Variants in CCNY observed in about 807,000 individuals in gnomAD.
The protein encoded by CCNY is cyclin-Y.
Under a neutral mutation model 42.8 loss-of-function variants are expected in CCNY, and 19 were observed. The observed-to-expected ratio is 0.44, with a 90% CI of 0.31 to 0.65. The LOEUF (loss-of-function observed/expected upper bound fraction) is 0.65, where lower values mean the gene tolerates loss of function less well. Among genes scored for constraint, CCNY ranks in the 30% least tolerant of loss-of-function variants. The probability of loss-of-function intolerance (pLI) is 0.07; values close to 1 mark genes in which losing one functional copy is unlikely to be tolerated. For synonymous variants in CCNY, 165 were observed against 162.7 expected (o/e 1.01, Z -0.11); for missense variants, 370 against 437.3 (o/e 0.85, Z 1.37).
In CCNY at chr10:35,474,201, C is replaced by T. The variant is rs1354000130; in HGVS notation, c.155-9203C>T. 1.1e-4 allele frequency among the ~76,000 whole-genome samples: 17 copies of T among 152,270 alleles called. No homozygotes were observed. The South Asian group carries it at 1.7e-3, about 15-fold the overall frequency. ...AGCAGTCTGAGATCAAACTGCAAGG[C>T]GGCAGCGAGGCTTGGGGGAGGGGTG... On this transcript the variant is annotated intron_variant, in intron 1 of 9. Transcript: ENST00000374704.
At chr10:35,497,772 A>G (rs1412720462) in intron 2 of CCNY, among the ~76,000 whole-genome samples, 2 of 150,838 alleles carry the variant, frequency 1.3e-5, no homozygotes, top group Non-Finnish European at 3.0e-5. Flanking sequence ...TATTCCCCCT[A>G]TGGTAATGTC....
At chr10:35,510,279 A>G (rs1435236899) in intron 3 of CCNY, among the ~76,000 whole-genome samples, 2 of 152,088 alleles carry the variant, frequency 1.3e-5, no homozygotes, top group African/African-American at 2.4e-5. Context: ...TAGTGGCACA[A>G]TCATGGCTCA....
At chr10:35,499,310 G>T (rs1840064488) in intron 2 of CCNY, among the ~76,000 whole-genome samples, 1 of 152,182 alleles carries the variant, frequency 6.6e-6, no homozygotes, top group African/African-American at 2.4e-5. Flanking sequence ...GAGAAGAGAA[G>T]AGGGCTTGTG....
At chr10:35,259,297 T>C (rs76458677) in intron 3 of CCNY, among the ~76,000 whole-genome samples, 7,475 of 152,090 alleles carry the variant, frequency 0.049, 252 homozygotes, top group Non-Finnish European at 0.068. Flanking sequence ...CACTGTGGCC[T>C]TGACTTCCTA....
intron 1 of CCNY, chr10:35,347,318 A>G (rs559011299): frequency 4.6e-4 from 137 of 295,648 alleles, no homozygotes; most frequent in African/African-American, 2.8e-3. Flanking sequence ...GTTAGCAACT[A>G]CAATCACATC....
intron 3 of CCNY, among the ~76,000 whole-genome samples, chr10:35,310,728 T>C (rs1207883728): frequency 2.0e-5 from 3 of 152,226 alleles, no homozygotes; most frequent in African/African-American, 4.8e-5. Context: ...TTAGCCTTTG[T>C]AGTGTGATTA....
chr10:35,484,352 C>T (rs895160599), intron 2 of CCNY, among the ~76,000 whole-genome samples: 12 of 152,076 alleles, frequency 7.9e-5, no homozygotes, highest in Admixed American at 5.2e-4. Context: ...ACTTCAGTAA[C>T]GATTAGGTAA....
At chr10:35,489,574 ATG>A (rs1237827610) in intron 2 of CCNY, among the ~76,000 whole-genome samples, 1 of 152,126 alleles carries the variant, frequency 6.6e-6, no homozygotes, top group Admixed American at 6.5e-5. Context: ...GTTTTTATAG[ATG>A]TAAGTGCTGA....
intron 1 of CCNY, among the ~76,000 whole-genome samples, chr10:35,393,818 C>T (rs951028693): frequency 2.6e-4 from 39 of 152,040 alleles, no homozygotes; most frequent in Middle Eastern, 3.2e-3. Flanking sequence ...CACGGTGGCA[C>T]GCACCTGTAG....
chr10:35,379,610 T>G (rs963627688), intron 1 of CCNY, among the ~76,000 whole-genome samples: 1 of 152,228 alleles, frequency 6.6e-6, no homozygotes, highest in Non-Finnish European at 1.5e-5. Context: ...ATCCTGGAAC[T>G]CCACATTTCC....
At chr10:35,410,791 A>G (rs764241270) in intron 1 of CCNY, among the ~76,000 whole-genome samples, 2 of 152,310 alleles carry the variant, frequency 1.3e-5, no homozygotes, top group Non-Finnish European at 2.9e-5. Flanking sequence ...CATCAGTGTC[A>G]TTGGAGGGCT....
intron 1 of CCNY, among the ~76,000 whole-genome samples, chr10:35,361,610 A>G (rs962772662): frequency 6.6e-6 from 1 of 152,226 alleles, no homozygotes; most frequent in Non-Finnish European, 1.5e-5. Flanking sequence ...GTTATTTTTC[A>G]GGTGCATGTG....
intron 1 of CCNY, among the ~76,000 whole-genome samples, chr10:35,479,531 T>C (rs1839610166): frequency 7.4e-6 from 1 of 135,864 alleles, no homozygotes; most frequent in African/African-American, 2.9e-5. Context: ...CCGCATATTC[T>C]CACTCATAGG....
rs1258371410 is a variant in CCNY, at chr10:35,530,213, G to T, written c.549G>T (p.Gln183His). ...TTCGGACACTGTTCAGTGCTGCTCA[G>T]CTGACGGCTGAATGTGCCATCGTCA... The part of the protein sequence containing the change: ...RFVRTLFSAA[Q>H]LTAECAIVTL... Residue 183 changes from glutamine to histidine, a missense_variant, in exon 7 of 10, where the codon CAG (glutamine) becomes CAT (histidine). Physicochemically the swap from Gln to His is conservative, Grantham distance 24. Around this residue, in one of 2 missense-constraint regions of CCNY, gnomAD observed 234 missense variants for 313.1 expected, o/e 0.75. Transcript: ENST00000374704. The surrounding 1 kb of genome is among the most constrained non-coding windows in gnomAD (Gnocchi z 4.3). 1 of 1,614,108 alleles carries T rather than the reference G, an allele frequency of 6.2e-7. No homozygotes were observed. The highest frequency in any genetic ancestry group is 8.5e-7 in the Non-Finnish European group (1 of 1,180,046).
chr10:35,537,503 C>G (rs1273082362), intron 7 of CCNY, among the ~76,000 whole-genome samples: 2 of 152,216 alleles, frequency 1.3e-5, no homozygotes, highest in African/African-American at 4.8e-5. Flanking sequence ...TGAAAGCAGT[C>G]AGGAGGGGGA....
intron 7 of CCNY, among the ~76,000 whole-genome samples, chr10:35,533,374 C>G (rs1484974816): frequency 6.6e-6 from 1 of 152,120 alleles, no homozygotes; most frequent in African/African-American, 2.4e-5. Flanking sequence ...AACACAAAGC[C>G]CTTATGTTAC....
At chr10:35,521,139 T>C (rs1840537664) in intron 4 of CCNY, among the ~76,000 whole-genome samples, 2 of 152,248 alleles carry the variant, frequency 1.3e-5, no homozygotes, top group Non-Finnish European at 2.9e-5. Flanking sequence ...AAATCCATTT[T>C]GTTTTCTTGT....
intron 3 of CCNY, among the ~76,000 whole-genome samples, chr10:35,253,990 C>T (rs12242132): frequency 0.24 from 35,761 of 151,348 alleles, 4,673 homozygotes; most frequent in African/African-American, 0.35. Flanking sequence ...ATTCTCCTGC[C>T]TCAGCCTCCT....
chr10:35,248,311 G>C (rs1464706672), intron 2 of CCNY: 1 of 152,298 alleles, frequency 6.6e-6, no homozygotes, highest in African/African-American at 2.4e-5. Context: ...ACAGGCAGTA[G>C]GTTGTGGGGA....
Sources: allele counts gnomAD v4.1 joint callset (sites outside exome capture counted in the v4.1 genomes callset), GRCh38; gene constraint gnomAD v4.1.1; regional missense constraint gnomAD v4.1.1; non-coding constraint Gnocchi (gnomAD v3.1); transcripts MANE v1.5; gene names NCBI Gene and HGNC (gene_info 2026-07-23, HGNC 2026-07-21).